The following SP2 variants were observed in gnomAD, a reference collection of about 807,000 sequenced individuals.
SP2 encodes transcription factor Sp2.
In SP2, 9 loss-of-function variants were observed where a neutral mutation model predicts 50.1. The observed-to-expected ratio is 0.18, with a 90% CI of 0.11 to 0.31. SP2 has a LOEUF of 0.31. Ranked by LOEUF, SP2 falls within the 10% of genes least tolerant of loss-of-function variation. The pLI, the probability that SP2 is intolerant of heterozygous loss-of-function variation, is 1.00. For missense variants in SP2, 581 were observed against 806.5 expected, an observed-to-expected ratio of 0.72 and a Z score of 3.39; for synonymous variants, 313 against 326.6, an observed-to-expected ratio of 0.96 and a Z score of 0.45.
chr17:47,929,636 G>A (rs2035779226), downstream of SP2: 1 of 152,700 alleles, frequency 6.5e-6, no homozygotes, highest in African/African-American at 2.4e-5. Context: ...AATTTTGGTG[G>A]GGATTTGTTT....
chr17:47,906,337 A>G lies in SP2; in HGVS notation c.8-8975A>G, dbSNP rs187570897. ...ACCAGAAGAGAGGCTGCTTTAACCC[A>G]GGATATTCATACAGCCCATAGGCAC... is the stretch of plus-strand genomic sequence containing the variant. On this transcript the variant is annotated intron_variant, in intron 1 of 6. Transcript: ENST00000376741. 7.0e-4 allele frequency among the ~76,000 whole-genome samples: 106 copies of G among 152,332 alleles called. 1 individual carries two copies. Among genetic ancestry groups the G allele is most frequent in the African/African-American group, 2.4e-3 (99 of 41,576 alleles).
At chr17:47,908,781 C>T (rs2034863514) in intron 1 of SP2, 1 of 152,216 alleles carries the variant, frequency 6.6e-6, no homozygotes, top group Non-Finnish European at 1.5e-5. Context: ...TCTCGAATTC[C>T]TGAGCTCAAG....
chr17:47,930,456 A>G (rs1422642486), downstream of SP2, among the ~76,000 whole-genome samples: 1 of 152,140 alleles, frequency 6.6e-6, no homozygotes, highest in Non-Finnish European at 1.5e-5. Flanking sequence ...CAGGATGAGC[A>G]TTTCCCATGT....
downstream of SP2, among the ~76,000 whole-genome samples, chr17:47,931,617 GT>G (rs1286656063): frequency 2.6e-5 from 4 of 152,154 alleles, no homozygotes; most frequent in Non-Finnish European, 4.4e-5. Flanking sequence ...CCCCTTTAAG[GT>G]TGCCCCTTAA....
intron 2 of SP2, 55 bp downstream of exon 2, chr17:47,915,443 A>G: frequency 9.0e-7 from 1 of 1,114,222 alleles, no homozygotes; most frequent in Admixed American, 2.1e-5. Context: ...GGACAGACTC[A>G]CCGAAAACAC....
chr17:47,897,910 C>G, intron 1 of SP2: 6 of 978,002 alleles, frequency 6.1e-6, no homozygotes, highest in Non-Finnish European at 7.3e-6. Flanking sequence ...AATGGATTAT[C>G]ATTGGCTGGG....
intron 1 of SP2, chr17:47,899,856 T>G (rs928480110): frequency 2.6e-5 from 4 of 152,264 alleles, no homozygotes; most frequent in African/African-American, 9.7e-5. Flanking sequence ...GGGCTGATGT[T>G]TCTTAGGCTC....
intron 3 of SP2, among the ~76,000 whole-genome samples, chr17:47,922,570 T>C (rs1408411058): frequency 6.6e-6 from 1 of 151,630 alleles, no homozygotes; most frequent in Admixed American, 6.6e-5. Flanking sequence ...CCAGGCTAAG[T>C]GCAGTAGAGG....
chr17:47,906,119 G>A (rs576770311), intron 1 of SP2, among the ~76,000 whole-genome samples: 27 of 152,230 alleles, frequency 1.8e-4, no homozygotes, highest in Non-Finnish European at 3.5e-4. Context: ...AAATTGTGGA[G>A]GCTGACTAAG....
In SP2 at chr17:47,928,649, A is replaced by T. The variant is rs1236314899; in HGVS notation, c.*825A>T. On this transcript the variant is annotated 3_prime_UTR_variant, in exon 7 of 7. Coordinates refer to ENST00000376741, the MANE Select transcript of SP2 (RefSeq NM_003110.6). ...TCTGGATTCAGATAACAGCACCTGC[A>T]CATCCTGCACCTCCTCCCTCTCCCT... is the stretch of plus-strand genomic sequence containing the variant. 6.5e-6 allele frequency: 1 copy of T among 152,694 alleles called. No homozygotes were observed. The highest frequency in any genetic ancestry group is 1.5e-5 in the Non-Finnish European group (1 of 68,058). The allele number at this position is 152,694 out of a possible 1,614,324, so 9.5% of individuals were successfully genotyped here. A position where few individuals can be genotyped will look rare whatever the true frequency, so the allele number is the denominator to read the frequency against.
intron 1 of SP2, among the ~76,000 whole-genome samples, chr17:47,904,204 G>T: frequency 6.6e-6 from 1 of 150,700 alleles, no homozygotes; most frequent in Non-Finnish European, 1.5e-5. Flanking sequence ...GGCGGAGCTT[G>T]CAGTGAGCTG....
chr17:47,898,062 C>T (rs991524620), intron 1 of SP2: 2 of 171,884 alleles, frequency 1.2e-5, no homozygotes, highest in Non-Finnish European at 2.3e-5. Flanking sequence ...AAGCCAGAAA[C>T]TCTTTGCCAA....
intron 1 of SP2, among the ~76,000 whole-genome samples, chr17:47,903,597 C>T (rs1339002228): frequency 6.6e-6 from 1 of 151,724 alleles, no homozygotes; most frequent in African/African-American, 2.4e-5. Context: ...AACCGGGGGG[C>T]GGAGGTTGCA....
chr17:47,912,085 T>G (rs1188153949), intron 1 of SP2, among the ~76,000 whole-genome samples: 3 of 152,220 alleles, frequency 2.0e-5, no homozygotes, highest in African/African-American at 7.2e-5. Context: ...ATGCTCTTGA[T>G]GTATCCATCC....
rs1189148340 is a variant in SP2, at chr17:47,928,081, G to A, written c.*257G>A. On this transcript the variant is annotated 3_prime_UTR_variant, in exon 7 of 7. Transcript: ENST00000376741. ...GGACACTGGCCGTGCCCAATGAGAC[G>A]TTCTAAACCAGGACGCGTGGGAACC... 6.8e-6 allele frequency: 3 copies of A among 439,688 alleles called. No homozygotes were observed. The highest frequency in any genetic ancestry group is 3.8e-5 in the Admixed American group (1 of 26,510). 27.2% of individuals were successfully genotyped at this position (439,688 alleles called of 1,614,324 possible).
chr17:47,907,985 C>G (rs977575508), intron 1 of SP2, among the ~76,000 whole-genome samples: 1 of 152,136 alleles, frequency 6.6e-6, no homozygotes, highest in Non-Finnish European at 1.5e-5. Flanking sequence ...GCAGGGAGAT[C>G]GGTCTCTCTT....
intron 3 of SP2, chr17:47,917,698 T>A: frequency 2.7e-6 from 1 of 369,840 alleles, no homozygotes; most frequent in Non-Finnish European, 5.4e-6. Context: ...CACTACAGTC[T>A]TAATCTCCTG....
intron 4 of SP2, 127 bp from the exon 5 acceptor site, chr17:47,924,792 A>AG (rs2035583634): frequency 1.2e-6 from 1 of 802,952 alleles, no homozygotes; most frequent in Non-Finnish European, 2.0e-6. Flanking sequence ...AATGATATCC[A>AG]ACATACAGCA....
intron 1 of SP2, among the ~76,000 whole-genome samples, chr17:47,908,972 A>G (rs2034874178): frequency 6.6e-6 from 1 of 152,236 alleles, no homozygotes. Flanking sequence ...GGGAGAACAT[A>G]GTACCTCAGA....
Sources: allele counts gnomAD v4.1 joint callset (sites outside exome capture counted in the v4.1 genomes callset), GRCh38; gene constraint gnomAD v4.1.1; transcripts MANE v1.5; gene names NCBI Gene and HGNC (gene_info 2026-07-23, HGNC 2026-07-21).